The following DAB1 variants were observed in gnomAD, a reference collection of about 807,000 sequenced individuals.
The protein encoded by DAB1 is DAB adaptor protein 1.
DAB1 carries 15 observed loss-of-function variants against 64.6 expected under a neutral mutation model. That is an observed-to-expected ratio of 0.23 (90% CI 0.16 to 0.36). The LOEUF is 0.36. Ranked by LOEUF, DAB1 falls within the 10% of genes least tolerant of loss-of-function variation. The pLI, the probability that DAB1 is intolerant of heterozygous loss-of-function variation, is 1.00. For missense variants in DAB1, 596 were observed against 706.7 expected, an observed-to-expected ratio of 0.84 and a Z score of 1.78; for synonymous variants, 235 against 251.9, an observed-to-expected ratio of 0.93 and a Z score of 0.64.
At chr1:57,339,134 T>A (rs1340391155) in intron 1 of DAB1, among the ~76,000 whole-genome samples, 4 of 107,764 alleles carry the variant, frequency 3.7e-5, no homozygotes, top group African/African-American at 1.4e-4. Flanking sequence ...ATACGGCTTC[T>A]TTCTTTTTTT....
intron 2 of DAB1, among the ~76,000 whole-genome samples, chr1:58,517,566 C>A (rs920141956): frequency 3.3e-5 from 5 of 152,178 alleles, no homozygotes; most frequent in African/African-American, 1.2e-4. Flanking sequence ...CTGCTACATT[C>A]TCCCATGGAA....
chr1:58,282,499 A>G (rs1206426621), intron 4 of DAB1, among the ~76,000 whole-genome samples: 2 of 151,686 alleles, frequency 1.3e-5, no homozygotes, highest in East Asian at 1.9e-4. Flanking sequence ...TATTTATAGC[A>G]CTCTTTTATT....
chr1:58,180,292 T>TC (rs1557684527), intron 4 of DAB1, among the ~76,000 whole-genome samples: 12 of 123,846 alleles, frequency 9.7e-5, no homozygotes, highest in Non-Finnish European at 1.5e-4. Context: ...TTTTTTTTTT[T>TC]TTTTTTTTTT....
chr1:57,565,350 A>C (rs1300853045), intron 7 of DAB1, among the ~76,000 whole-genome samples: 6 of 152,230 alleles, frequency 3.9e-5, no homozygotes, highest in African/African-American at 1.4e-4. Context: ...TGATGCTAGG[A>C]AGAAACTGCA....
intron 4 of DAB1, chr1:58,228,789 T>C: frequency 1.3e-6 from 1 of 792,828 alleles, no homozygotes; most frequent in Non-Finnish European, 2.1e-6. Flanking sequence ...ACAGAAATCA[T>C]AGAGCACAAA....
At chr1:57,988,297 C>CA (rs922505952) in intron 5 of DAB1, among the ~76,000 whole-genome samples, 6 of 152,194 alleles carry the variant, frequency 3.9e-5, no homozygotes, top group Admixed American at 3.3e-4. Context: ...TACAATCATA[C>CA]AAACCTGCAT....
At chr1:58,088,153 C>T (rs773126654) in intron 5 of DAB1, among the ~76,000 whole-genome samples, 3 of 152,210 alleles carry the variant, frequency 2.0e-5, no homozygotes, top group Admixed American at 6.5e-5. Context: ...ATAGGGAACA[C>T]AACAGAAGTC....
At chr1:58,489,326 C>T (rs113112072) in intron 3 of DAB1, among the ~76,000 whole-genome samples, 3 of 152,322 alleles carry the variant, frequency 2.0e-5, no homozygotes, top group African/African-American at 7.2e-5. Context: ...GTCCTACGCC[C>T]ACAGAGCCTC....
At chr1:57,697,851 C>T (rs55656025) in intron 6 of DAB1, among the ~76,000 whole-genome samples, 36,090 of 152,008 alleles carry the variant, frequency 0.24, 4,763 homozygotes, top group Admixed American at 0.35. Context: ...CAAATACCTC[C>T]AGGGTTTTCT....
chr1:57,318,828 T>A lies in DAB1; in HGVS notation c.-136-27662A>T, dbSNP rs534476186. On this transcript the variant is annotated intron_variant, in intron 1 of 14. Coordinates refer to ENST00000371236, the MANE Select transcript of DAB1 (RefSeq NM_001365792.1). ...AAGACATGGGCTTGTTACGTTGTGG[T>A]TTCACATTTTGCATGTTTGTTTTGA... is the stretch of plus-strand genomic sequence containing the variant. Among the ~76,000 whole-genome samples the A allele has an allele frequency of 1.8e-3, 269 of 152,098 alleles. 3 individuals are homozygous for A. Among genetic ancestry groups the A allele is most frequent in the Middle Eastern group, 0.017 (5 of 294 alleles).
At chr1:57,373,221 G>A (rs912724924) in intron 1 of DAB1, among the ~76,000 whole-genome samples, 1 of 151,982 alleles carries the variant, frequency 6.6e-6, no homozygotes, top group African/African-American at 2.4e-5. Context: ...AGAAAGAAAT[G>A]AAGATGTCAG....
chr1:57,453,617 A>G lies in DAB1; in HGVS notation n.626-162451T>C, dbSNP rs1686472643. Among the ~76,000 whole-genome samples the G allele has an allele frequency of 3.9e-5, 6 of 152,312 alleles. No homozygotes were observed. In the South Asian group the frequency reaches 1.2e-3, roughly 32 times the overall value. Reference sequence around the variant, plus strand: ...TGAGTCCTCAGATATATTCTTAACAAAAATATAACAAAAAAATAGGATAAC... The same window carrying G: ...TGAGTCCTCAGATATATTCTTAACAGAAATATAACAAAAAAATAGGATAAC... On this transcript the variant is annotated intron_variant and non_coding_transcript_variant, in intron 7 of 20. Transcript: ENST00000485760.
At chr1:57,719,384 G>T (rs535846488) in intron 6 of DAB1, among the ~76,000 whole-genome samples, 36 of 152,296 alleles carry the variant, frequency 2.4e-4, no homozygotes, top group African/African-American at 8.2e-4. Flanking sequence ...GAGGGAGGTG[G>T]GTCAAGGTCA....
chr1:57,354,269 T>C (rs1385289712), intron 1 of DAB1, among the ~76,000 whole-genome samples: 1 of 152,148 alleles, frequency 6.6e-6, no homozygotes, highest in African/African-American at 2.4e-5. Flanking sequence ...CCTAGCATCA[T>C]ATCCAGAGAG....
chr1:57,143,520 G>A (rs59973987), intron 3 of DAB1, among the ~76,000 whole-genome samples: 4,128 of 152,090 alleles, frequency 0.027, 216 homozygotes, highest in African/African-American at 0.095. Context: ...CCTTTTTCTA[G>A]TATACTTTAT....
intron 2 of DAB1, among the ~76,000 whole-genome samples, chr1:57,167,932 T>C (rs1661358479): frequency 6.6e-6 from 1 of 152,238 alleles, no homozygotes; most frequent in Non-Finnish European, 1.5e-5. Flanking sequence ...GTCCAGTGAA[T>C]GAAGGTCACA....
chr1:58,293,243 C>T (rs1377167917), intron 4 of DAB1, among the ~76,000 whole-genome samples: 2 of 152,176 alleles, frequency 1.3e-5, no homozygotes, highest in East Asian at 3.9e-4. Flanking sequence ...ATCTTCATGA[C>T]ATCCGCCAGC....
At chr1:58,180,134 G>A (rs1656694722) in intron 4 of DAB1, among the ~76,000 whole-genome samples, 1 of 151,526 alleles carries the variant, frequency 6.6e-6, no homozygotes, top group African/African-American at 2.4e-5. Context: ...AGGGATCCTG[G>A]AAAAAATCCC....
chr1:58,165,918 T>A (rs753710684), intron 4 of DAB1, among the ~76,000 whole-genome samples: 25 of 152,192 alleles, frequency 1.6e-4, no homozygotes, highest in Non-Finnish European at 3.7e-4. Context: ...TAAAACTCCA[T>A]GAGATAGCTG....
Sources: gnomAD v4.1 joint callset for allele counts (sites outside exome capture counted in the v4.1 genomes callset) on GRCh38, gnomAD v4.1.1 for gene constraint, MANE v1.5 for transcripts, NCBI Gene and HGNC (gene_info 2026-07-23, HGNC 2026-07-21) for gene names.